Variants in NEGR1 observed in about 807,000 individuals in gnomAD.
The protein encoded by NEGR1 is neuronal growth regulator 1, also known as IgLON family member 4.
NEGR1 carries 10 observed loss-of-function variants against 40.9 expected under a neutral mutation model. That is an observed-to-expected ratio of 0.24 (90% CI 0.15 to 0.42). The LOEUF (loss-of-function observed/expected upper bound fraction) is 0.42. NEGR1 is among the 10% of genes least tolerant of loss of function. NEGR1 has a pLI of 1.00. For synonymous variants in NEGR1, 185 were observed against 166.8 expected (o/e 1.11, Z -0.84); for missense variants, 352 against 438.9 (o/e 0.80, Z 1.77).
intron 6 of NEGR1, among the ~76,000 whole-genome samples, chr1:71,466,816 A>G (rs555374458): frequency 1.3e-5 from 2 of 152,128 alleles, no homozygotes; most frequent in South Asian, 4.1e-4. Context: ...ACAGGGGTCC[A>G]CGGACCATAA....
intron 2 of NEGR1, among the ~76,000 whole-genome samples, chr1:71,850,301 A>G (rs1000782562): frequency 2.6e-5 from 4 of 151,958 alleles, no homozygotes; most frequent in African/African-American, 9.7e-5. Flanking sequence ...GACTGTAGGC[A>G]TGAGCCATCA....
chr1:72,052,485 CT>C (rs1325674263), intron 1 of NEGR1, among the ~76,000 whole-genome samples: 1 of 151,446 alleles, frequency 6.6e-6, no homozygotes, highest in African/African-American at 2.4e-5. Context: ...AAAAGAAGCC[CT>C]AATTCCACTT....
At chr1:71,559,962 A>G (rs1266962100) in intron 6 of NEGR1, among the ~76,000 whole-genome samples, 2 of 151,334 alleles carry the variant, frequency 1.3e-5, no homozygotes, top group Admixed American at 1.3e-4. Context: ...TTTGCCAACT[A>G]TATTCTATCC....
chr1:71,742,581 CT>C (rs1024934150), intron 3 of NEGR1, among the ~76,000 whole-genome samples: 1 of 152,090 alleles, frequency 6.6e-6, no homozygotes, highest in Non-Finnish European at 1.5e-5. Flanking sequence ...CCATTTCTCA[CT>C]TTTGGAATGA....
chr1:72,270,962 A>C (rs1655822956), intron 1 of NEGR1, among the ~76,000 whole-genome samples: 1 of 151,906 alleles, frequency 6.6e-6, no homozygotes, highest in African/African-American at 2.4e-5. Context: ...ATGTACTTTT[A>C]GTACTTACTA....
intron 1 of NEGR1, among the ~76,000 whole-genome samples, chr1:72,129,177 C>T (rs571537812): frequency 1.3e-5 from 2 of 152,228 alleles, no homozygotes; most frequent in Admixed American, 1.3e-4. Flanking sequence ...TATATATGCA[C>T]ATATATGTTA....
chr1:71,536,908 A>C lies in NEGR1; in HGVS notation c.940+55909T>G, dbSNP rs1293674389. ...GTCAAGCTCTTTTGTTAAAGAAAAT[A>C]ATGATATTTTATTACTGAGAAAATA... On this transcript the variant is annotated intron_variant, in intron 6 of 6. Coordinates refer to ENST00000357731, the MANE Select transcript of NEGR1 (RefSeq NM_173808.3). Among the ~76,000 whole-genome samples the C allele has an allele frequency of 2.0e-5, 3 of 151,876 alleles. No individual in the cohort carries two copies. The East Asian group carries it at 5.9e-4, about 30-fold the overall frequency.
intron 4 of NEGR1, among the ~76,000 whole-genome samples, chr1:71,627,782 A>G (rs778306423): frequency 5.3e-5 from 8 of 152,086 alleles, no homozygotes; most frequent in Non-Finnish European, 1.2e-4. Flanking sequence ...TACCAAAGCC[A>G]AAGAGAGCTC....
chr1:71,618,859 T>C (rs192961231), intron 4 of NEGR1, among the ~76,000 whole-genome samples: 1 of 152,144 alleles, frequency 6.6e-6, no homozygotes, highest in Non-Finnish European at 1.5e-5. Flanking sequence ...TAAGGTTTTA[T>C]TTGAGCATTT....
chr1:71,712,858 T>G (rs1654148303), intron 3 of NEGR1, among the ~76,000 whole-genome samples: 1 of 152,116 alleles, frequency 6.6e-6, no homozygotes. Flanking sequence ...ACTTCCATCT[T>G]AACTCTCTCT....
Position 71,592,988 on chromosome 1 carries a change from CT to C in NEGR1, c.789-21del. The C allele has an allele frequency of 6.3e-7, 1 of 1,588,186 alleles. No individual in the cohort carries two copies. The highest frequency in any genetic ancestry group is 8.6e-7 in the Non-Finnish European group (1 of 1,157,752). ...AAGAGCCTAGAAGACAAAATAAGCT[CT>C]AGGTAAATATGTATTGTGAATACCA... is the stretch of plus-strand genomic sequence containing the variant. On this transcript the variant is annotated intron_variant, in intron 5 of 6. Transcript: ENST00000357731.
chr1:72,231,461 T>G (rs1239698071), intron 1 of NEGR1, among the ~76,000 whole-genome samples: 1 of 152,196 alleles, frequency 6.6e-6, no homozygotes, highest in African/African-American at 2.4e-5. Context: ...GGGACAATGA[T>G]AGTACCTATC....
At chr1:71,794,953 G>C (rs1177102759) in intron 2 of NEGR1, among the ~76,000 whole-genome samples, 2 of 151,932 alleles carry the variant, frequency 1.3e-5, no homozygotes, top group Non-Finnish European at 2.9e-5. Flanking sequence ...TTTTAAAAAG[G>C]GGAAACTTTA....
rs562468955 is a variant in NEGR1, at chr1:72,197,962, T to A, written c.176+84357A>T. On this transcript the variant is annotated intron_variant, in intron 1 of 6. Transcript: ENST00000357731. The stretch of plus-strand genomic sequence containing the variant: ...TTTTTGTTGTATGTGTCAAGGCCAC[T>A]GTATTGCACAACTCTGTCAGTTTTT... Among the ~76,000 whole-genome samples, 31 of 151,052 alleles carry A rather than the reference T, an allele frequency of 2.1e-4. No individual in the cohort carries two copies. In the South Asian group the frequency reaches 6.4e-3, roughly 31 times the overall value.
intron 1 of NEGR1, among the ~76,000 whole-genome samples, chr1:72,222,517 A>G (rs1053777005): frequency 6.6e-6 from 1 of 152,128 alleles, no homozygotes; most frequent in African/African-American, 2.4e-5. Context: ...GTAACCAGTA[A>G]CCAATCATAA....
At chr1:72,109,135 CA>C (rs1290069936) in intron 1 of NEGR1, among the ~76,000 whole-genome samples, 1 of 151,436 alleles carries the variant, frequency 6.6e-6, no homozygotes, top group Admixed American at 6.6e-5. Flanking sequence ...GTTATGTAGA[CA>C]AATTTCTCAA....
intron 4 of NEGR1, among the ~76,000 whole-genome samples, chr1:71,638,218 G>A (rs1480702854): frequency 6.6e-6 from 1 of 151,890 alleles, no homozygotes; most frequent in Non-Finnish European, 1.5e-5. Flanking sequence ...CCTCTTCTTT[G>A]AAGCCCCGTG....
At chr1:71,919,407 A>G (rs1661694096) in intron 2 of NEGR1, among the ~76,000 whole-genome samples, 1 of 152,196 alleles carries the variant, frequency 6.6e-6, no homozygotes, top group Admixed American at 6.5e-5. Context: ...GTTATACAAC[A>G]ACATCTTTTG....
intron 2 of NEGR1, among the ~76,000 whole-genome samples, chr1:71,929,192 T>G (rs1645830937): frequency 6.6e-6 from 1 of 152,134 alleles, no homozygotes; most frequent in African/African-American, 2.4e-5. Flanking sequence ...TGGACAATTT[T>G]GGGACACCTA....
Sources: gnomAD v4.1 joint callset for allele counts (sites outside exome capture counted in the v4.1 genomes callset) on GRCh38, gnomAD v4.1.1 for gene constraint, MANE v1.5 for transcripts, NCBI Gene and HGNC (gene_info 2026-07-23, HGNC 2026-07-21) for gene names.